Variants in UBE2S observed in about 807,000 individuals in gnomAD.
UBE2S encodes the protein ubiquitin conjugating enzyme E2 S, also known as ubiquitin-conjugating enzyme E2 S.
UBE2S carries 3 observed loss-of-function variants against 12.3 expected under a neutral mutation model. The ratio of observed to expected loss-of-function variants is 0.24; its 90% CI spans 0.11 to 0.63. The LOEUF (loss-of-function observed/expected upper bound fraction) is 0.63, where lower values mean the gene tolerates loss of function less well. Among genes scored for constraint, UBE2S ranks in the 30% least tolerant of loss-of-function variants. The probability of loss-of-function intolerance (pLI) is 0.85; values close to 1 mark genes in which losing one functional copy is unlikely to be tolerated. For missense variants in UBE2S, 211 were observed against 313.9 expected, an observed-to-expected ratio of 0.67 and a Z score of 2.48; for synonymous variants, 133 against 142.0, an observed-to-expected ratio of 0.94 and a Z score of 0.45.
In UBE2S at chr19:55,401,714, C is replaced by T. The variant is rs753488671; in HGVS notation, c.391G>A (p.Glu131Lys). ...IHPNPESALN[E>K]EAGRLLLENY... ...TCCAAGAGCAGGCGGCCCGCCTCCT[C>T]GTTGAGTGCAGACTCGGGGTTAGGG... Residue 131 changes from glutamate (E) to lysine (K), a missense_variant, in exon 4 of 4, where the codon GAG becomes AAG. Physicochemically the swap from Glu to Lys is moderately conservative, Grantham distance 56. This residue lies in a region of UBE2S where 127 missense variants were observed against 224.0 expected (regional missense o/e 0.57). Coordinates refer to ENST00000264552, the MANE Select transcript of UBE2S (RefSeq NM_014501.3). 7 of 1,613,458 alleles carry T rather than the reference C, an allele frequency of 4.3e-6. No individual in the cohort carries two copies. Among genetic ancestry groups the T allele is most frequent in the South Asian group, 1.1e-5 (1 of 91,082 alleles).
chr19:55,405,967 TAC>T (rs1394696520), intron 2 of UBE2S, among the ~76,000 whole-genome samples: 1 of 152,154 alleles, frequency 6.6e-6, no homozygotes, highest in South Asian at 2.1e-4. Context: ...CTCTCCTCAC[TAC>T]AGTCAATAGG....
chr19:55,407,483 G>A, intron 1 of UBE2S, 104 bp downstream of exon 1: 3 of 1,288,822 alleles, frequency 2.3e-6, no homozygotes, highest in Non-Finnish European at 3.1e-6. Context: ...CCCCAGGCTG[G>A]CCCTCAAACC....
intron 3 of UBE2S, chr19:55,403,226 TA>T: frequency 1.6e-6 from 1 of 617,280 alleles, no homozygotes; most frequent in South Asian, 1.9e-5. Flanking sequence ...CTATCGCTAT[TA>T]AAAAACCACT....
intron 3 of UBE2S, chr19:55,403,291 A>G: frequency 5.2e-6 from 3 of 573,296 alleles, no homozygotes; most frequent in South Asian, 4.5e-5. Flanking sequence ...GCTTTAGCAA[A>G]AAAGCCTCTA....
chr19:55,404,039 C>T lies in UBE2S; in HGVS notation c.342+249G>A, dbSNP rs780938427. 267 of 489,056 alleles carry T rather than the reference C, an allele frequency of 5.5e-4. No homozygotes were observed. Among genetic ancestry groups the T allele is most frequent in the Non-Finnish European group, 8.7e-4 (240 of 276,692 alleles). 30.3% of individuals were successfully genotyped at this position (489,056 alleles called of 1,614,324 possible). A position where few individuals can be genotyped will look rare whatever the true frequency, so the allele number is the denominator to read the frequency against. On this transcript the variant is annotated intron_variant, in intron 3 of 3. Coordinates refer to ENST00000264552, the MANE Select transcript of UBE2S (RefSeq NM_014501.3). The surrounding 1 kb of genome is among the most constrained non-coding windows in gnomAD (Gnocchi z 4.4). ...TTAAAAAAAAGGGAGAAGAGAAAAACCATCCTACAATACAAACTCACCACT... is the reference window on the plus strand; with the variant it reads ...TTAAAAAAAAGGGAGAAGAGAAAAATCATCCTACAATACAAACTCACCACT...
At chr19:55,403,383 G>A in intron 3 of UBE2S, 1 of 374,570 alleles carries the variant, frequency 2.7e-6, no homozygotes, top group Non-Finnish European at 4.8e-6. Flanking sequence ...CAGCCATTCA[G>A]GAAGCTGAGG....
At position 55,407,698 on chromosome 19, in the gene UBE2S, C is replaced by A. The variant is rs946280731; in HGVS notation, c.-109G>T. The stretch of plus-strand genomic sequence containing the variant: ...TGCCGCTGCGGCCCTGGAGAGGCCC[C>A]GGCGGCCCCGCTCCGCTCCCCGCTG... On this transcript the variant is annotated 5_prime_UTR_variant, in exon 1 of 4. Transcript: ENST00000264552. The A allele has an allele frequency of 2.3e-6, 2 of 884,212 alleles. No homozygotes were observed. Among genetic ancestry groups the A allele is most frequent in the African/African-American group, 3.5e-5 (2 of 56,942 alleles). The allele number at this position is 884,212 out of a possible 1,614,324, so 54.8% of individuals were successfully genotyped here. A position where few individuals can be genotyped will look rare whatever the true frequency, so the allele number is the denominator to read the frequency against.
Position 55,407,023 on chromosome 19 carries a change from T to A in UBE2S, c.4-61A>T. ...TAAGAGCTGGGCTTCCCGCAGGGCCTAAAGATGCTGAGACTGCCCAAGTCT... is the reference window on the plus strand; with the variant it reads ...TAAGAGCTGGGCTTCCCGCAGGGCCAAAAGATGCTGAGACTGCCCAAGTCT... On this transcript the variant is annotated intron_variant, in intron 1 of 3. Coordinates refer to ENST00000264552, the MANE Select transcript of UBE2S (RefSeq NM_014501.3). The A allele has an allele frequency of 3.2e-6, 5 of 1,577,658 alleles. No homozygotes were observed. The Admixed American group carries it at 8.7e-5, about 28-fold the overall frequency.
At chr19:55,403,226 T>TA (rs1450791439) in intron 3 of UBE2S, 7 of 617,162 alleles carry the variant, frequency 1.1e-5, no homozygotes, top group African/African-American at 1.8e-5. Flanking sequence ...CTATCGCTAT[T>TA]AAAAAACCAC....
In UBE2S at chr19:55,401,162, T is replaced by G. The variant is rs767920428; in HGVS notation, c.*274A>C. The G allele has an allele frequency of 4.5e-4, 233 of 515,720 alleles. 3 individuals are homozygous for G. Among genetic ancestry groups the G allele is most frequent in the Non-Finnish European group, 6.7e-4 (197 of 292,864 alleles). The allele number at this position is 515,720 out of a possible 1,614,324, so 31.9% of individuals were successfully genotyped here. On this transcript the variant is annotated 3_prime_UTR_variant, in exon 4 of 4. Transcript: ENST00000264552. ...CAAACAGCAAGGCTGGTGAGCTAGA[T>G]GGACCCACTGCTGCAGTCCATGAGG...
chr19:55,402,355 A>T (rs903596697), intron 3 of UBE2S, among the ~76,000 whole-genome samples: 2 of 152,210 alleles, frequency 1.3e-5, no homozygotes, highest in African/African-American at 4.8e-5. Context: ...TGGACCACAC[A>T]CAAGAGGGCA....
At chr19:55,405,849 C>T (rs987193771) in intron 2 of UBE2S, among the ~76,000 whole-genome samples, 4 of 152,190 alleles carry the variant, frequency 2.6e-5, no homozygotes, top group African/African-American at 9.7e-5. Context: ...CCTCCCCTAG[C>T]CCATCAGCAG....
intron 3 of UBE2S, chr19:55,403,076 T>C (rs2891577): frequency 0.065 from 82,081 of 1,256,534 alleles, 4,195 homozygotes; most frequent in African/African-American, 0.21. Context: ...CTGCAGGATT[T>C]GGGCAGCACC....
intron 3 of UBE2S, among the ~76,000 whole-genome samples, chr19:55,402,017 G>C (rs779719929): frequency 3.3e-5 from 5 of 152,182 alleles, no homozygotes; most frequent in Non-Finnish European, 7.3e-5. Flanking sequence ...AATGTCCCTG[G>C]TCCTCCGTGG....
Position 55,401,107 on chromosome 19 carries a change from T to C in UBE2S, c.*329A>G, listed in dbSNP as rs10403361. ...AAAGAGGGGTTGTGACCGCTCTACC[T>C]CCACAGAACAAAGAGGTGGACCCAA... On this transcript the variant is annotated 3_prime_UTR_variant, in exon 4 of 4. Transcript: ENST00000264552. 29,567 of 371,606 alleles carry C rather than the reference T, an allele frequency of 0.08. 1,920 individuals carry two copies. The highest frequency in any genetic ancestry group is 0.2 in the African/African-American group (9,404 of 46,982). The allele number at this position is 371,606 out of a possible 1,614,324, so 23.0% of individuals were successfully genotyped here.
chr19:55,406,928 A>G lies in UBE2S; in HGVS notation c.38T>C (p.Ile13Thr), dbSNP rs1195786947. ...SNVENLPPHI[I>T]RLVYKEVTTL... The stretch of plus-strand genomic sequence containing the variant: ...CGTCACCTCCTTGTACACCAGGCGG[A>G]TGATGTGCGGGGGTAGGTTCTCCAC... The change falls in exon 2 of 4, where the codon ATC becomes ACC. Residue 13 changes from isoleucine to threonine, a missense_variant. Around this residue, in one of 2 missense-constraint regions of UBE2S, gnomAD observed 127 missense variants for 224.0 expected, o/e 0.57. Coordinates refer to ENST00000264552, the MANE Select transcript of UBE2S (RefSeq NM_014501.3). 1 of 1,613,664 alleles carries G rather than the reference A, an allele frequency of 6.2e-7. No homozygotes were observed. Among genetic ancestry groups the G allele is most frequent in the South Asian group, 1.1e-5 (1 of 91,042 alleles).
chr19:55,401,822 C>T (rs1426642438), intron 3 of UBE2S, 60 bp from the exon 4 acceptor site: 11 of 1,586,100 alleles, frequency 6.9e-6, no homozygotes, highest in South Asian at 1.1e-5. Flanking sequence ...CCCCAGGCCT[C>T]CACAAGAGGG....
In UBE2S at chr19:55,406,843, G is replaced by A. The variant is rs373374090; in HGVS notation, c.123C>T (p.Thr41=). Reference sequence around the variant, plus strand: ...GGCCCTCGATGGTGACCTGGAGGTCGGTGAGGTCCTCCTCGTTGGGAAAGA... The same window carrying A: ...GGCCCTCGATGGTGACCTGGAGGTCAGTGAGGTCCTCCTCGTTGGGAAAGA... ...IKVFPNEEDL[T]DLQVTIEGPE... The change falls in exon 2 of 4, where the codon ACC becomes ACT. Residue 41 remains threonine (T), a synonymous_variant. Transcript: ENST00000264552. The A allele has an allele frequency of 1.9e-6, 3 of 1,613,374 alleles. No individual in the cohort carries two copies.
rs771747975 is a variant in UBE2S, at chr19:55,407,639, T to C, written c.-50A>G. On this transcript the variant is annotated 5_prime_UTR_variant, in exon 1 of 4. Coordinates refer to ENST00000264552, the MANE Select transcript of UBE2S (RefSeq NM_014501.3). ...CCCCCCGGCCCCCTTCCTGCGTTCTTCGGTCCGCCGGCCGGGGCGGGGGGC... is the reference window on the plus strand; with the variant it reads ...CCCCCCGGCCCCCTTCCTGCGTTCTCCGGTCCGCCGGCCGGGGCGGGGGGC... 7 of 1,312,436 alleles carry C rather than the reference T, an allele frequency of 5.3e-6. No individual in the cohort carries two copies. The highest frequency in any genetic ancestry group is 6.8e-6 in the Non-Finnish European group (7 of 1,028,490). The allele number at this position is 1,312,436 out of a possible 1,614,324, so 81.3% of individuals were successfully genotyped here. A position where few individuals can be genotyped will look rare whatever the true frequency, so the allele number is the denominator to read the frequency against.
Sources: allele counts gnomAD v4.1 joint callset (sites outside exome capture counted in the v4.1 genomes callset), GRCh38; gene constraint gnomAD v4.1.1; regional missense constraint gnomAD v4.1.1; non-coding constraint Gnocchi (gnomAD v3.1); transcripts MANE v1.5; gene names NCBI Gene and HGNC (gene_info 2026-07-23, HGNC 2026-07-21).